The following MAML2 variants were observed in gnomAD, a reference collection of about 807,000 sequenced individuals.
The protein encoded by MAML2 is mastermind like transcriptional coactivator 2, also known as mastermind-like protein 2.
In MAML2, 22 loss-of-function variants were observed where a neutral mutation model predicts 96.1. That is an observed-to-expected ratio of 0.23 (90% CI 0.16 to 0.33). The LOEUF (loss-of-function observed/expected upper bound fraction) is 0.33, where lower values mean the gene tolerates loss of function less well. Ranked by LOEUF, MAML2 falls within the 10% of genes least tolerant of loss-of-function variation. MAML2 has a pLI of 1.00. For synonymous variants in MAML2, 561 were observed against 521.3 expected, an observed-to-expected ratio of 1.08 and a Z score of -1.04; for missense variants, 1,367 against 1,392.4, an observed-to-expected ratio of 0.98 and a Z score of 0.29.
rs1859741106 is a variant in MAML2, at chr11:96,092,542, T to G, written c.1489A>C (p.Met497Leu). ...CCGCTGCCGCCAGCTACCCCAGGCA[T>G]GGGGGAGCTCTGTGGGCTGAATGTC... ...QQTFSPQSSP[M>L]PGVAGGSGQS... is the part of the protein sequence containing the mutation. The change falls in exon 2 of 5, where the codon ATG becomes CTG. Residue 497 changes from methionine (M) to leucine (L), a missense_variant. By Grantham distance (15) the Met-to-Leu change is conservative. Transcript: ENST00000524717. This position sits in a 1 kb window ranked among gnomAD's most constrained non-coding sequence, Gnocchi z 4.1. The G allele has an allele frequency of 6.3e-7, 1 of 1,599,408 alleles. No homozygotes were observed. Among genetic ancestry groups the G allele is most frequent in the Non-Finnish European group, 8.5e-7 (1 of 1,170,672 alleles).
At chr11:96,268,927 G>C (rs960013267) in intron 1 of MAML2, among the ~76,000 whole-genome samples, 1 of 144,762 alleles carries the variant, frequency 6.9e-6, no homozygotes, top group Non-Finnish European at 1.5e-5. Flanking sequence ...TTGGCAGCAA[G>C]AGAAGAGATT....
At chr11:96,182,563 A>G (rs1861503364) in intron 1 of MAML2, among the ~76,000 whole-genome samples, 1 of 152,194 alleles carries the variant, frequency 6.6e-6, no homozygotes, top group Admixed American at 6.5e-5. Flanking sequence ...AAATTCAACA[A>G]ACATTAGCTA....
At chr11:96,037,095 C>T (rs1374156734) in intron 2 of MAML2, among the ~76,000 whole-genome samples, 1 of 152,128 alleles carries the variant, frequency 6.6e-6, no homozygotes, top group East Asian at 1.9e-4. Context: ...GCTTTCTGCC[C>T]AGTCACCAGA....
chr11:96,154,611 G>C (rs1860980933), intron 1 of MAML2, among the ~76,000 whole-genome samples: 1 of 152,148 alleles, frequency 6.6e-6, no homozygotes, highest in African/African-American at 2.4e-5. Flanking sequence ...GTATTGGTTG[G>C]TAAAGAGGCC....
chr11:96,124,548 G>A (rs1245088276), intron 1 of MAML2, among the ~76,000 whole-genome samples: 1 of 152,198 alleles, frequency 6.6e-6, no homozygotes, highest in Non-Finnish European at 1.5e-5. Context: ...TGATTGAGTT[G>A]TTTTAAACAT....
Position 96,154,293 on chromosome 11 carries a change from T to C in MAML2, c.514-60776A>G, listed in dbSNP as rs574979825. ...GTAGCTACTCTGGGGACAAAACTTT[T>C]GAGCAGTCTGCAACACAGAAAATGC... On this transcript the variant is annotated intron_variant, in intron 1 of 4. Transcript: ENST00000524717. Among the ~76,000 whole-genome samples the C allele has an allele frequency of 5.3e-5, 8 of 152,288 alleles. No homozygotes were observed. In the East Asian group the frequency reaches 7.7e-4, roughly 15 times the overall value.
chr11:96,265,864 A>C (rs1340099971), intron 1 of MAML2, among the ~76,000 whole-genome samples: 1 of 152,060 alleles, frequency 6.6e-6, no homozygotes, highest in Non-Finnish European at 1.5e-5. Context: ...AGCTTCTTCC[A>C]CTCAATAAAA....
chr11:96,133,511 C>T (rs1451742684), intron 1 of MAML2, among the ~76,000 whole-genome samples: 1 of 152,108 alleles, frequency 6.6e-6, no homozygotes, highest in Non-Finnish European at 1.5e-5. Context: ...TATGAAAGAC[C>T]TGTGTGAACA....
intron 1 of MAML2, among the ~76,000 whole-genome samples, chr11:96,320,091 C>G (rs565177575): frequency 6.6e-6 from 1 of 152,200 alleles, no homozygotes; most frequent in East Asian, 1.9e-4. Context: ...GACATGCAAA[C>G]TAGACACAAC....
At chr11:96,338,362 T>C (rs916421470) in intron 1 of MAML2, among the ~76,000 whole-genome samples, 41 of 152,252 alleles carry the variant, frequency 2.7e-4, no homozygotes, top group Non-Finnish European at 1.5e-4. Flanking sequence ...CCTGAACTTG[T>C]ACTTGAGCTA....
chr11:96,062,831 A>C (rs1256598818), intron 2 of MAML2, among the ~76,000 whole-genome samples: 1 of 152,072 alleles, frequency 6.6e-6, no homozygotes, highest in Non-Finnish European at 1.5e-5. Flanking sequence ...GCCTTCTTTA[A>C]CTGTGACCCC....
intron 1 of MAML2, among the ~76,000 whole-genome samples, chr11:96,174,250 G>A (rs536589980): frequency 4.6e-5 from 7 of 152,284 alleles, no homozygotes; most frequent in Non-Finnish European, 1.5e-5. Flanking sequence ...TTAAGGGGAT[G>A]CCTTGCTTTT....
chr11:96,146,126 G>A (rs946043731), intron 1 of MAML2, among the ~76,000 whole-genome samples: 4 of 152,238 alleles, frequency 2.6e-5, no homozygotes, highest in Non-Finnish European at 5.9e-5. Flanking sequence ...CAAAGTGAGG[G>A]AAAAGGTTTA....
intron 1 of MAML2, among the ~76,000 whole-genome samples, chr11:96,124,240 C>T (rs1435502314): frequency 6.6e-6 from 1 of 152,138 alleles, no homozygotes; most frequent in African/African-American, 2.4e-5. Flanking sequence ...TTTATCTTCT[C>T]TCCCTCTCTT....
In MAML2 at chr11:96,022,060, G is replaced by T. The variant is rs954950753; in HGVS notation, c.2140-30337C>A. 1.2e-4 allele frequency among the ~76,000 whole-genome samples: 19 copies of T among 152,316 alleles called. No individual in the cohort carries two copies. In the South Asian group the frequency reaches 2.3e-3, roughly 18 times the overall value. On this transcript the variant is annotated intron_variant, in intron 2 of 4. Transcript: ENST00000524717. The stretch of plus-strand genomic sequence containing the variant: ...GGTCTCTGTAGGCCAGGCCATCTAG[G>T]ATGGGAGGAGCTGCCTTGCCTAGGG...
At chr11:96,014,316 T>G (rs1045162293) in intron 2 of MAML2, among the ~76,000 whole-genome samples, 1 of 152,176 alleles carries the variant, frequency 6.6e-6, no homozygotes, top group African/African-American at 2.4e-5. Flanking sequence ...TACCTTATTA[T>G]TGGTAACTAG....
chr11:96,237,642 T>A (rs1039807125), intron 1 of MAML2, among the ~76,000 whole-genome samples: 1 of 152,220 alleles, frequency 6.6e-6, no homozygotes, highest in African/African-American at 2.4e-5. Context: ...GATTTGATAG[T>A]TGTGTCACAG....
At chr11:96,302,590 A>C (rs1229238284) in intron 1 of MAML2, among the ~76,000 whole-genome samples, 1 of 152,188 alleles carries the variant, frequency 6.6e-6, no homozygotes, top group African/African-American at 2.4e-5. Flanking sequence ...TCCCCTGAGG[A>C]GGTTCCCTGG....
At chr11:96,090,634 G>GTA (rs1332318628) in intron 2 of MAML2, among the ~76,000 whole-genome samples, 1 of 152,136 alleles carries the variant, frequency 6.6e-6, no homozygotes, top group Non-Finnish European at 1.5e-5. Context: ...ACATATGTGT[G>GTA]TATATATATG....
Sources: gnomAD v4.1 joint callset for allele counts (sites outside exome capture counted in the v4.1 genomes callset) on GRCh38, gnomAD v4.1.1 for gene constraint, Gnocchi (gnomAD v3.1) non-coding constraint, MANE v1.5 for transcripts, NCBI Gene and HGNC (gene_info 2026-07-23, HGNC 2026-07-21) for gene names.